Variants in RSL1D1 observed in about 807,000 individuals in gnomAD.
The protein encoded by RSL1D1 is ribosomal L1 domain containing 1.
Under a neutral mutation model 44.6 loss-of-function variants are expected in RSL1D1, and 34 were observed. The observed-to-expected ratio is 0.76, with a 90% CI of 0.58 to 1.02. The LOEUF (loss-of-function observed/expected upper bound fraction) is 1.02. Among genes scored for constraint, RSL1D1 ranks in the 50% least tolerant of loss-of-function variants. The pLI is 0.00. For missense variants in RSL1D1, 767 were observed against 568.1 expected, an observed-to-expected ratio of 1.35 and a Z score of -3.56; for synonymous variants, 271 against 207.4, an observed-to-expected ratio of 1.31 and a Z score of -2.63.
chr16:11,851,296 G>A (rs1287167181), intron 1 of RSL1D1, 112 bp downstream of exon 1: 2 of 1,016,632 alleles, frequency 2.0e-6, no homozygotes, highest in Non-Finnish European at 3.1e-6. Context: ...GCCAGCGACC[G>A]TCCCACAGCC....
At position 11,841,933 on chromosome 16, in the gene RSL1D1, T is replaced by C. The variant is rs2053766433; in HGVS notation, c.703A>G (p.Lys235Glu). 3.1e-6 allele frequency: 5 copies of C among 1,614,050 alleles called. No individual in the cohort carries two copies. Among genetic ancestry groups the C allele is most frequent in the Non-Finnish European group, 4.2e-6 (5 of 1,179,970 alleles). Reference protein sequence around the residue: ...HIIENIVAVTKGLSEKLPEKW... With the variant: ...HIIENIVAVTEGLSEKLPEKW... The stretch of plus-strand genomic sequence containing the variant: ...TCTGGCAATTTTTCTGAAAGTCCTT[T>C]GGTGACAGCAACAATGTTTTCAATG... Residue 235 changes from lysine to glutamate, a missense_variant, in exon 6 of 9, where the codon AAA becomes GAA. Coordinates refer to ENST00000571133, the MANE Select transcript of RSL1D1 (RefSeq NM_015659.3).
intron 1 of RSL1D1, 61 bp from the exon 2 acceptor site, chr16:11,850,479 T>C (rs2053829512): frequency 1.3e-6 from 2 of 1,524,556 alleles, no homozygotes; most frequent in Non-Finnish European, 8.8e-7. Flanking sequence ...CACAAATAAA[T>C]GAAATGTTCT....
rs917184528 is a variant in RSL1D1 at position 11,834,838 on chromosome 16, G to A, written c.*2949C>T. 3 of 152,188 alleles carry A rather than the reference G, an allele frequency of 2.0e-5. No homozygotes were observed. Among genetic ancestry groups the A allele is most frequent in the African/African-American group, 7.2e-5 (3 of 41,446 alleles). 9.4% of individuals were successfully genotyped at this position (152,188 alleles called of 1,614,324 possible). ...TTACTAAAATGCAAAAACAGGATTG[G>A]CATGCTGCCTCATGCCTGTAATCTG... On this transcript the variant is annotated 3_prime_UTR_variant, in exon 9 of 9. Transcript: ENST00000571133.
Position 11,836,138 on chromosome 16 carries a change from A to G in RSL1D1, c.*1649T>C, listed in dbSNP as rs146144845. On this transcript the variant is annotated 3_prime_UTR_variant, in exon 9 of 9. Coordinates refer to ENST00000571133, the MANE Select transcript of RSL1D1 (RefSeq NM_015659.3). ...TGCAAGGTGCCCTTCTGACCTTCAC[A>G]TTCTCACCATCTGTTTCTTTGTTGG... 6.6e-6 allele frequency: 1 copy of G among 152,162 alleles called. No homozygotes were observed. Among genetic ancestry groups the G allele is most frequent in the African/African-American group, 2.4e-5 (1 of 41,410 alleles). 9.4% of individuals were successfully genotyped at this position (152,162 alleles called of 1,614,324 possible).
At chr16:11,838,322 C>T (rs1014863238) in intron 8 of RSL1D1, among the ~76,000 whole-genome samples, 7 of 151,844 alleles carry the variant, frequency 4.6e-5, no homozygotes, top group African/African-American at 7.3e-5. Context: ...CCACCACGCC[C>T]GGCTCATTTT....
At chr16:11,838,776 G>C (rs932154882) in intron 8 of RSL1D1, among the ~76,000 whole-genome samples, 1 of 151,206 alleles carries the variant, frequency 6.6e-6, no homozygotes, top group Non-Finnish European at 1.5e-5. Flanking sequence ...AGAATTGCTT[G>C]GGCACGAAAG....
At position 11,850,398 on chromosome 16, in the gene RSL1D1, A is replaced by G. The variant is rs2053828921; in HGVS notation, c.126T>C (p.Ala42=). The part of the protein sequence containing the change: ...DKEQVRKAVD[A]LLTHCKSRKN... ...TCCTGGACTTGCAATGCGTCAAGAG[A>G]GCGTCCACTGCCTTTCTAACCTGCA... The change falls in exon 2 of 9, where the codon GCT becomes GCC. Residue 42 remains alanine (A), a synonymous_variant. Transcript: ENST00000571133. The G allele has an allele frequency of 1.9e-6, 3 of 1,598,400 alleles. No homozygotes were observed. The highest frequency in any genetic ancestry group is 3.6e-5 in the Admixed American group (2 of 54,858).
intron 8 of RSL1D1, among the ~76,000 whole-genome samples, 178 bp downstream of exon 8, chr16:11,839,517 G>C (rs2053747916): frequency 9.0e-6 from 1 of 111,264 alleles, no homozygotes; most frequent in Non-Finnish European, 1.8e-5. Context: ...AATATAGCAA[G>C]ATCCCATCTA....
At position 11,836,674 on chromosome 16, in the gene RSL1D1, T is replaced by C. The variant is rs2141249273; in HGVS notation, c.*1113A>G. 1 of 152,336 alleles carries C rather than the reference T, an allele frequency of 6.6e-6. No homozygotes were observed. Among genetic ancestry groups the C allele is most frequent in the African/African-American group, 2.4e-5 (1 of 41,568 alleles). The allele number at this position is 152,336 out of a possible 1,614,324, so 9.4% of individuals were successfully genotyped here. On this transcript the variant is annotated 3_prime_UTR_variant, in exon 9 of 9. Transcript: ENST00000571133. ...CTCCGGTAGGTAGGATTCAATTTAG[T>C]CCCTGTATAAATGACTCCATGTTAA...
chr16:11,842,731 A>G (rs563906902), intron 5 of RSL1D1, among the ~76,000 whole-genome samples: 3 of 151,246 alleles, frequency 2.0e-5, no homozygotes, highest in African/African-American at 7.3e-5. Flanking sequence ...CCTTCTACCT[A>G]AAGTAAAATG....
At chr16:11,838,190 T>C in intron 8 of RSL1D1, 77 bp from the exon 9 acceptor site, 1 of 1,167,232 alleles carries the variant, frequency 8.6e-7, no homozygotes, top group Non-Finnish European at 1.2e-6. Flanking sequence ...TTACTGTTTT[T>C]ATTTGTATTT....
chr16:11,846,598 G>C lies in RSL1D1; in HGVS notation c.538C>G (p.Pro180Ala). 6 of 1,609,220 alleles carry C rather than the reference G, an allele frequency of 3.7e-6. No homozygotes were observed. The highest frequency in any genetic ancestry group is 5.1e-6 in the Non-Finnish European group (6 of 1,176,092). The change falls in exon 5 of 9, where the codon CCA (proline) becomes GCA (alanine). Residue 180 changes from proline to alanine, a missense_variant. By Grantham distance (27) the Pro-to-Ala change is conservative (BLOSUM62 -1). Transcript: ENST00000571133. ...GRHFYQRKKV[P>A]VSVNLLSKNL... ...TTGGACAGAAGGTTTACAGATACTGGAACTCTACAAAATAAACACACAGGC... is the reference window on the plus strand; with the variant it reads ...TTGGACAGAAGGTTTACAGATACTGCAACTCTACAAAATAAACACACAGGC...
Position 11,839,752 on chromosome 16 carries a change from G to C in RSL1D1, c.1089C>G (p.Asp363Glu), listed in dbSNP as rs772213802. The change falls in exon 8 of 9, where the codon GAC becomes GAG. Residue 363 changes from aspartate (D) to glutamate (E), a missense_variant. Transcript: ENST00000571133. Reference sequence around the variant, plus strand: ...CTATTGGTACCAGCTGTGGGATTTCGTCTTCGGATTCATTTGTTGCTTTAA... The same window carrying C: ...CTATTGGTACCAGCTGTGGGATTTCCTCTTCGGATTCATTTGTTGCTTTAA... ...AQVKATNESEDEIPQLVPIGK... is the reference protein window; with the variant it reads ...AQVKATNESEEEIPQLVPIGK... 1 of 1,614,044 alleles carries C rather than the reference G, an allele frequency of 6.2e-7. No homozygotes were observed. Among genetic ancestry groups the C allele is most frequent in the Non-Finnish European group, 8.5e-7 (1 of 1,180,002 alleles).
Position 11,836,410 on chromosome 16 carries a change from T to G in RSL1D1, c.*1377A>C, listed in dbSNP as rs1221063229. 2 of 152,242 alleles carry G rather than the reference T, an allele frequency of 1.3e-5. No individual in the cohort carries two copies. Among genetic ancestry groups the G allele is most frequent in the African/African-American group, 4.8e-5 (2 of 41,464 alleles). 9.4% of individuals were successfully genotyped at this position (152,242 alleles called of 1,614,324 possible). A position where few individuals can be genotyped will look rare whatever the true frequency, so the allele number is the denominator to read the frequency against. ...TTGAGTCTTTGGCATGCAAGAACAT[T>G]CCTGCACTGCAGTGAATCTGTGAAC... On this transcript the variant is annotated 3_prime_UTR_variant, in exon 9 of 9. Coordinates refer to ENST00000571133, the MANE Select transcript of RSL1D1 (RefSeq NM_015659.3).
rs369003798 is a variant in RSL1D1 at position 11,851,516 on chromosome 16, G to A, written c.-4C>T. ...AGGCCGAGGCCGAATCCTCCATCTT[G>A]TTTCCACCTCGTGAAGAGGCGCGTG... On this transcript the variant is annotated 5_prime_UTR_variant, in exon 1 of 9. Transcript: ENST00000571133. 2.1e-5 allele frequency: 34 copies of A among 1,613,316 alleles called. No homozygotes were observed. The African/African-American group carries it at 4.0e-4, about 19-fold the overall frequency.
chr16:11,851,539 G>A lies in RSL1D1; in HGVS notation c.-27C>T, dbSNP rs769029848. 2 of 1,604,952 alleles carry A rather than the reference G, an allele frequency of 1.2e-6. No homozygotes were observed. The highest frequency in any genetic ancestry group is 1.7e-5 in the Admixed American group (1 of 59,902). ...TTGTTTCCACCTCGTGAAGAGGCGC[G>A]TGTGCAACCCCACTGCTGGCTTCTG... On this transcript the variant is annotated 5_prime_UTR_variant, in exon 1 of 9. It adds an upstream start codon to the 5' untranslated region. Transcript: ENST00000571133.
intron 7 of RSL1D1, 40 bp from the exon 8 acceptor site, chr16:11,840,025 TTC>T (rs747876831): frequency 1.3e-6 from 2 of 1,593,714 alleles, no homozygotes; most frequent in Admixed American, 3.6e-5. Flanking sequence ...GCAGGAACAG[TTC>T]TGTTGGTTAA....
At position 11,837,216 on chromosome 16, in the gene RSL1D1, T is replaced by G. The variant is rs570181395; in HGVS notation, c.*571A>C. On this transcript the variant is annotated 3_prime_UTR_variant, in exon 9 of 9. Transcript: ENST00000571133. ...GTCTCAAACTCCTGGCCTCAAGCAATCCTCTCACCTTGGCTACCTAAAGTG... is the reference window on the plus strand; with the variant it reads ...GTCTCAAACTCCTGGCCTCAAGCAAGCCTCTCACCTTGGCTACCTAAAGTG... 6.5e-6 allele frequency: 1 copy of G among 152,742 alleles called. No individual in the cohort carries two copies. Among genetic ancestry groups the G allele is most frequent in the African/African-American group, 2.4e-5 (1 of 41,454 alleles). The allele number at this position is 152,742 out of a possible 1,614,324, so 9.5% of individuals were successfully genotyped here.
At chr16:11,845,508 C>G (rs1283684535) in intron 5 of RSL1D1, among the ~76,000 whole-genome samples, 1 of 152,188 alleles carries the variant, frequency 6.6e-6, no homozygotes, top group Non-Finnish European at 1.5e-5. Flanking sequence ...TTCTTAGTAT[C>G]TGGAGCTGCC....
Sources: gnomAD v4.1 joint callset for allele counts (sites outside exome capture counted in the v4.1 genomes callset) on GRCh38, gnomAD v4.1.1 for gene constraint, MANE v1.5 for transcripts, NCBI Gene and HGNC (gene_info 2026-07-23, HGNC 2026-07-21) for gene names.